Variants in STAM2 observed in about 807,000 individuals in gnomAD.
The protein encoded by STAM2 is signal transducing adapter molecule 2.
STAM2 carries 51 observed loss-of-function variants against 65.6 expected under a neutral mutation model. The observed-to-expected ratio is 0.78, with a 90% CI of 0.62 to 0.98. The LOEUF (loss-of-function observed/expected upper bound fraction) is 0.98. Among genes scored for constraint, STAM2 ranks in the 50% least tolerant of loss-of-function variants. The pLI is 0.00. For synonymous variants in STAM2, 198 were observed against 208.4 expected, an observed-to-expected ratio of 0.95 and a Z score of 0.43; for missense variants, 584 against 617.8, an observed-to-expected ratio of 0.95 and a Z score of 0.58.
chr2:152,119,523 AAC>A lies in STAM2; in HGVS notation c.*1049_*1050del, dbSNP rs1393527420. On this transcript the variant is annotated 3_prime_UTR_variant, in exon 14 of 14. Transcript: ENST00000263904. The stretch of plus-strand genomic sequence containing the variant: ...TTTAAAAAAACAACACACCACTAAA[AAC>A]ACACTTATCATCCATGCTTGGTATA... 1 of 152,158 alleles carries A rather than the reference AAC, an allele frequency of 6.6e-6. No homozygotes were observed. The highest frequency in any genetic ancestry group is 1.9e-4 in the East Asian group (1 of 5,196). The allele number at this position is 152,158 out of a possible 1,614,324, so 9.4% of individuals were successfully genotyped here. A position where few individuals can be genotyped will look rare whatever the true frequency, so the allele number is the denominator to read the frequency against.
At chr2:152,172,383 T>G (rs1689911670) in intron 1 of STAM2, among the ~76,000 whole-genome samples, 1 of 152,136 alleles carries the variant, frequency 6.6e-6, no homozygotes, top group African/African-American at 2.4e-5. Flanking sequence ...TAAGACATCT[T>G]GACCCATCCT....
chr2:152,156,763 A>G (rs992093543), intron 1 of STAM2, among the ~76,000 whole-genome samples: 1 of 152,218 alleles, frequency 6.6e-6, no homozygotes, highest in African/African-American at 2.4e-5. Flanking sequence ...TAAAACTTTT[A>G]ATAAAATAGG....
At chr2:152,135,452 T>C (rs1560213330) in intron 8 of STAM2, 57 bp downstream of exon 8, 11 of 1,233,000 alleles carry the variant, frequency 8.9e-6, no homozygotes, top group Non-Finnish European at 1.3e-5. Flanking sequence ...AACTGAAACA[T>C]AAAATTTAAG....
intron 5 of STAM2, among the ~76,000 whole-genome samples, chr2:152,146,379 A>G (rs1689337863): frequency 6.6e-6 from 1 of 152,034 alleles, no homozygotes; most frequent in South Asian, 2.1e-4. Flanking sequence ...CTTAATATTA[A>G]TGGGAAGGAA....
At chr2:152,161,088 G>T (rs578102860) in intron 1 of STAM2, among the ~76,000 whole-genome samples, 1 of 152,188 alleles carries the variant, frequency 6.6e-6, no homozygotes, top group Non-Finnish European at 1.5e-5. Context: ...TTGAGAAATC[G>T]GATGGTTGCC....
chr2:152,152,548 CA>C lies in STAM2; in HGVS notation c.41-2320del, dbSNP rs532945904. The stretch of plus-strand genomic sequence containing the variant: ...TGGGTGACAGAGTGAGACTCTGTCT[CA>C]AAAAAAAACAACAAAAAAAAAACTT... On this transcript the variant is annotated intron_variant, in intron 1 of 13. Coordinates refer to ENST00000263904, the MANE Select transcript of STAM2 (RefSeq NM_005843.6). Among the ~76,000 whole-genome samples the C allele has an allele frequency of 3.4e-3, 445 of 130,030 alleles. 4 individuals carry two copies. Among genetic ancestry groups the C allele is most frequent in the African/African-American group, 0.012 (428 of 35,298 alleles). The allele number at this position is 130,030 out of a possible 152,430, so 85.3% of individuals were successfully genotyped here. A position where few individuals can be genotyped will look rare whatever the true frequency, so the allele number is the denominator to read the frequency against.
chr2:152,132,493 C>T (rs958553711), intron 10 of STAM2, among the ~76,000 whole-genome samples: 4 of 152,150 alleles, frequency 2.6e-5, no homozygotes, highest in African/African-American at 7.2e-5. Context: ...ACTTAAGCCA[C>T]AGTATATAAA....
intron 11 of STAM2, among the ~76,000 whole-genome samples, chr2:152,126,715 C>T (rs1252280472): frequency 6.6e-6 from 1 of 151,908 alleles, no homozygotes; most frequent in Non-Finnish European, 1.5e-5. Context: ...TTTGCAAACC[C>T]CCCACGTTTT....
At chr2:152,157,490 ACT>A (rs1328572048) in intron 1 of STAM2, among the ~76,000 whole-genome samples, 1 of 152,054 alleles carries the variant, frequency 6.6e-6, no homozygotes, top group East Asian at 1.9e-4. Flanking sequence ...GAGAGCTAGC[ACT>A]CTCTTTGTGT....
In STAM2 at chr2:152,171,412, A is replaced by T. The variant is rs190231402; in HGVS notation, c.40+4191T>A. Among the ~76,000 whole-genome samples the T allele has an allele frequency of 4.9e-3, 513 of 103,698 alleles. 3 individuals are homozygous for T. The highest frequency in any genetic ancestry group is 0.023 in the African/African-American group (445 of 19,286). 68.0% of individuals were successfully genotyped at this position (103,698 alleles called of 152,430 possible). On this transcript the variant is annotated intron_variant, in intron 1 of 13. Coordinates refer to ENST00000263904, the MANE Select transcript of STAM2 (RefSeq NM_005843.6). Reference sequence around the variant, plus strand: ...CTTATTCAAAACCAAAAAACTTTTTAAAAAAATTTTTACTTTTACAAAGAT... The same window carrying T: ...CTTATTCAAAACCAAAAAACTTTTTTAAAAAATTTTTACTTTTACAAAGAT...
Position 152,118,460 on chromosome 2 carries a change from A to ATATATATATATATATG in STAM2, c.*2113_*2114insCATATATATATATATA, listed in dbSNP as rs1162441884. The ATATATATATATATATG allele has an allele frequency of 6.7e-6, 1 of 149,134 alleles. No homozygotes were observed. Among genetic ancestry groups the ATATATATATATATATG allele is most frequent in the African/African-American group, 2.5e-5 (1 of 40,676 alleles). The allele number at this position is 149,134 out of a possible 1,614,324, so 9.2% of individuals were successfully genotyped here. ...ATACTATATATTTATATATATATAT[A>ATATATATATATATATG]TGTGTCATGTTTTATTATTCTAAAA... On this transcript the variant is annotated 3_prime_UTR_variant, in exon 14 of 14. Coordinates refer to ENST00000263904, the MANE Select transcript of STAM2 (RefSeq NM_005843.6).
chr2:152,164,425 C>T (rs1010216033), intron 1 of STAM2, among the ~76,000 whole-genome samples: 2 of 151,968 alleles, frequency 1.3e-5, no homozygotes, highest in Non-Finnish European at 2.9e-5. Context: ...CAATGCAAAC[C>T]TCTGCCTCCC....
At chr2:152,164,917 C>G (rs62176518) in intron 1 of STAM2, among the ~76,000 whole-genome samples, 54,733 of 152,018 alleles carry the variant, frequency 0.36, 12,448 homozygotes, top group Non-Finnish European at 0.51. Context: ...TATTTTCCTA[C>G]AAGTTCACTT....
chr2:152,120,487 G>GA lies in STAM2; in HGVS notation c.*86dup. ...TTCATGGTCCTTTTGAGTTGAGAGG[G>GA]AAAAAAGTTTTAATATTTTCAGGTT... On this transcript the variant is annotated 3_prime_UTR_variant, in exon 14 of 14. Coordinates refer to ENST00000263904, the MANE Select transcript of STAM2 (RefSeq NM_005843.6). 1 of 1,178,892 alleles carries GA rather than the reference G, an allele frequency of 8.5e-7. No individual in the cohort carries two copies. Among genetic ancestry groups the GA allele is most frequent in the Non-Finnish European group, 1.2e-6 (1 of 817,360 alleles). 73.0% of individuals were successfully genotyped at this position (1,178,892 alleles called of 1,614,324 possible).
At chr2:152,166,857 C>G (rs758973309) in intron 1 of STAM2, among the ~76,000 whole-genome samples, 4 of 152,082 alleles carry the variant, frequency 2.6e-5, no homozygotes, top group Non-Finnish European at 4.4e-5. Context: ...ATAAAAAAAA[C>G]TTTTAGTACA....
chr2:152,174,017 G>A (rs1579341724), intron 1 of STAM2, among the ~76,000 whole-genome samples: 1 of 152,114 alleles, frequency 6.6e-6, no homozygotes, highest in Non-Finnish European at 1.5e-5. Context: ...CTCAACAGCA[G>A]TGCCTCCTTT....
At chr2:152,140,277 T>TA (rs1203669604) in intron 7 of STAM2, among the ~76,000 whole-genome samples, 1 of 152,108 alleles carries the variant, frequency 6.6e-6, no homozygotes, top group African/African-American at 2.4e-5. Flanking sequence ...TCTGTGGAAA[T>TA]AAAAATGACA....
chr2:152,129,373 A>T (rs1374686466), intron 11 of STAM2, among the ~76,000 whole-genome samples: 1 of 152,172 alleles, frequency 6.6e-6, no homozygotes, highest in Non-Finnish European at 1.5e-5. Flanking sequence ...TTGGTCTCAA[A>T]TTCCTGGGCT....
intron 7 of STAM2, among the ~76,000 whole-genome samples, 164 bp downstream of exon 7, chr2:152,143,663 G>A (rs1323890153): frequency 1.3e-5 from 2 of 152,008 alleles, no homozygotes; most frequent in African/African-American, 2.4e-5. Flanking sequence ...CAAATATAAC[G>A]AGAAGAGGCT....
Sources: allele counts gnomAD v4.1 joint callset (sites outside exome capture counted in the v4.1 genomes callset), GRCh38; gene constraint gnomAD v4.1.1; transcripts MANE v1.5; gene names NCBI Gene and HGNC (gene_info 2026-07-23, HGNC 2026-07-21).